The following AGBL5 variants were observed in gnomAD, a reference collection of about 807,000 sequenced individuals.
AGBL5 encodes cytosolic carboxypeptidase-like protein 5.
A neutral mutation model predicts 88.0 loss-of-function variants in AGBL5; 51 were observed. The observed-to-expected ratio is 0.58, with a 90% CI of 0.46 to 0.73. The LOEUF is 0.73. Among genes scored for constraint, AGBL5 ranks in the 30% least tolerant of loss-of-function variants. The probability of loss-of-function intolerance (pLI) is 0.00; values close to 1 mark genes in which losing one functional copy is unlikely to be tolerated. For synonymous variants in AGBL5, 446 were observed against 438.8 expected (o/e 1.02, Z -0.21); for missense variants, 1,031 against 1,162.2 (o/e 0.89, Z 1.64).
At chr2:27,066,940 A>C (rs910003616) in intron 11 of AGBL5, among the ~76,000 whole-genome samples, 1 of 151,970 alleles carries the variant, frequency 6.6e-6, no homozygotes, top group African/African-American at 2.4e-5. Flanking sequence ...AAAATTAGCC[A>C]GGCATGGTGG....
Position 27,069,675 on chromosome 2 carries a change from C to G in AGBL5, c.2458C>G (p.Leu820Val), listed in dbSNP as rs1481751027. The G allele has an allele frequency of 1.2e-6, 2 of 1,614,170 alleles. No individual in the cohort carries two copies. The highest frequency in any genetic ancestry group is 4.5e-5 in the East Asian group (2 of 44,890). The change falls in exon 14 of 15, where the codon CTG (leucine) becomes GTG (valine). Residue 820 changes from leucine to valine, a missense_variant. Physicochemically the swap from Leu to Val is conservative, Grantham distance 32. Around this residue, in one of 2 missense-constraint regions of AGBL5, gnomAD observed 491 missense variants for 484.0 expected, o/e 1.01. Transcript: ENST00000360131. ...PTPRTRESSELELGSCSATPG... is the reference protein window; with the variant it reads ...PTPRTRESSEVELGSCSATPG... The stretch of plus-strand genomic sequence containing the variant: ...CCCCCGGACCAGGGAGAGCAGTGAG[C>G]TGGAGCTGGGATCCTGCTCTGCTAC...
chr2:27,069,863 C>T, intron 14 of AGBL5, 157 bp downstream of exon 14: 1 of 985,090 alleles, frequency 1.0e-6, no homozygotes, highest in Non-Finnish European at 1.2e-6. Context: ...TTTTTTTCCC[C>T]CACCATGGCC....
At chr2:27,059,158 G>C (rs761050955) in intron 10 of AGBL5, 32 bp from the exon 11 acceptor site, 1 of 1,601,068 alleles carries the variant, frequency 6.2e-7, no homozygotes, top group Admixed American at 1.7e-5. Context: ...AACCTTCCTG[G>C]CCCGGGTTAA....
Position 27,059,203 on chromosome 2 carries a change from T to G in AGBL5, c.1888T>G (p.Ser630Ala), listed in dbSNP as rs910480922. Residue 630 changes from serine (S) to alanine (A), a missense_variant, in exon 11 of 15, where the codon TCC becomes GCC. Ser to Ala is a moderately conservative substitution (Grantham distance 99, BLOSUM62 1). Coordinates refer to ENST00000360131, the MANE Select transcript of AGBL5 (RefSeq NM_021831.6). ...GCTTCTTTGCAGTGGGTTGCCTGTC[T>G]CCTGCTCCGAAAACACCTTGAGTCG... is the stretch of plus-strand genomic sequence containing the variant. ...PPKSHNGLPV[S>A]CSENTLSRAR... 7 of 1,613,544 alleles carry G rather than the reference T, an allele frequency of 4.3e-6. No homozygotes were observed. The highest frequency in any genetic ancestry group is 1.3e-5 in the African/African-American group (1 of 74,798).
At chr2:27,063,157 T>C (rs989272706) in intron 11 of AGBL5, among the ~76,000 whole-genome samples, 3 of 152,204 alleles carry the variant, frequency 2.0e-5, no homozygotes, top group Non-Finnish European at 4.4e-5. Context: ...GGCTACTTTT[T>C]CCACTGCAAA....
upstream of AGBL5, chr2:27,051,395 T>C (rs1214765640): frequency 6.6e-6 from 1 of 152,010 alleles, no homozygotes; most frequent in South Asian, 2.1e-4. Flanking sequence ...CGATAAGGAG[T>C]TTCACACGAT....
Position 27,067,559 on chromosome 2 carries a change from G to T in AGBL5, c.2155G>T (p.Ala719Ser). 1.2e-6 allele frequency: 2 copies of T among 1,614,078 alleles called. No homozygotes were observed. The stretch of plus-strand genomic sequence containing the variant: ...GAACCATCGTCCTGCAGGCAGCCTC[G>T]CTCCATCCCCAGCTCCTACTAGTTC... ...PLNHRPAGSL[A>S]PSPAPTSSGP... The change falls in exon 12 of 15, where the codon GCT becomes TCT. Residue 719 changes from alanine (A) to serine (S), a missense_variant. Physicochemically the swap from Ala to Ser is moderately conservative, Grantham distance 99. Around this residue, in one of 2 missense-constraint regions of AGBL5, gnomAD observed 491 missense variants for 484.0 expected, o/e 1.01. Transcript: ENST00000360131.
Position 27,053,036 on chromosome 2 carries a change from A to T in AGBL5, c.78A>T (p.Glu26Asp). The T allele has an allele frequency of 6.2e-7, 1 of 1,613,772 alleles. No individual in the cohort carries two copies. Among genetic ancestry groups the T allele is most frequent in the Non-Finnish European group, 8.5e-7 (1 of 1,179,858 alleles). ...SGNLAHVEKV[E>D]SLSSDGEGVG... The stretch of plus-strand genomic sequence containing the variant: ...ATCTAGCCCACGTGGAGAAGGTGGA[A>T]TCTTTGTCCAGTGATGGGGAAGGGG... The change falls in exon 2 of 15, where the codon GAA (glutamate) becomes GAT (aspartate). Residue 26 changes from glutamate to aspartate, a missense_variant. Physicochemically the swap from Glu to Asp is conservative, Grantham distance 45. This residue lies in a region of AGBL5 where 540 missense variants were observed against 678.2 expected (regional missense o/e 0.80). Coordinates refer to ENST00000360131, the MANE Select transcript of AGBL5 (RefSeq NM_021831.6). The surrounding 1 kb of genome is among the most constrained non-coding windows in gnomAD (Gnocchi z 4.9).
At chr2:27,064,085 A>C (rs1668857182) in intron 11 of AGBL5, among the ~76,000 whole-genome samples, 1 of 152,128 alleles carries the variant, frequency 6.6e-6, no homozygotes, top group Admixed American at 6.5e-5. Flanking sequence ...CAAGTTCATG[A>C]TTTCTGCCTA....
chr2:27,055,891 A>G lies in AGBL5; in HGVS notation c.1118A>G (p.Asn373Ser). The G allele has an allele frequency of 1.2e-6, 2 of 1,614,182 alleles. No individual in the cohort carries two copies. Among genetic ancestry groups the G allele is most frequent in the Non-Finnish European group, 1.7e-6 (2 of 1,180,022 alleles). ...SDLEKANNLQNEAQCGHSADR... is the reference protein window; with the variant it reads ...SDLEKANNLQSEAQCGHSADR... Reference sequence around the variant, plus strand: ...CTGGAGAAAGCCAACAATCTCCAAAATGAAGCTCAGTGTGGGCACTCAGCT... The same window carrying G: ...CTGGAGAAAGCCAACAATCTCCAAAGTGAAGCTCAGTGTGGGCACTCAGCT... Residue 373 changes from asparagine (N) to serine (S), a missense_variant, in exon 7 of 15, where the codon AAT (asparagine) becomes AGT (serine). Asn to Ser is a conservative substitution (Grantham distance 46). Transcript: ENST00000360131.
In AGBL5 at chr2:27,070,228, A is replaced by G; in HGVS notation, c.2626A>G (p.Lys876Glu). Reference protein sequence around the residue: ...LGQPEVCFVPKSPPLTVSPRV With the variant: ...LGQPEVCFVPESPPLTVSPRV ...CCAACCTGAGGTTTGTTTTGTCCCT[A>G]AATCTCCCCCACTGACTGTTTCTCC... is the stretch of plus-strand genomic sequence containing the variant. Residue 876 changes from lysine (K) to glutamate (E), a missense_variant, in exon 15 of 15, where the codon AAA (lysine) becomes GAA (glutamate). Physicochemically the swap from Lys to Glu is moderately conservative, Grantham distance 56. Around this residue, in one of 2 missense-constraint regions of AGBL5, gnomAD observed 491 missense variants for 484.0 expected, o/e 1.01. Transcript: ENST00000360131. The G allele has an allele frequency of 6.2e-7, 1 of 1,614,184 alleles. No homozygotes were observed.
intron 9 of AGBL5, among the ~76,000 whole-genome samples, chr2:27,058,022 G>T (rs1668525190): frequency 6.7e-6 from 1 of 149,946 alleles, no homozygotes; most frequent in Non-Finnish European, 1.5e-5. Flanking sequence ...GTTGCAGTCA[G>T]CCGAGATCAC....
chr2:27,070,156 C>A lies in AGBL5; in HGVS notation c.2554C>A (p.Leu852Ile), dbSNP rs192393351. The stretch of plus-strand genomic sequence containing the variant: ...TGCCTTTTCTCCTATATCCTGTAGT[C>A]TATCTGACTCCCCATCCTGGAATTG... ...APAFSPISCS[L>I]SDSPSWNCYS... Residue 852 changes from leucine to isoleucine, a missense_variant, in exon 15 of 15, where the codon CTA (leucine) becomes ATA (isoleucine). This residue lies in a region of AGBL5 where 491 missense variants were observed against 484.0 expected (regional missense o/e 1.01). Coordinates refer to ENST00000360131, the MANE Select transcript of AGBL5 (RefSeq NM_021831.6). 68 of 1,614,190 alleles carry A rather than the reference C, an allele frequency of 4.2e-5. No homozygotes were observed. The African/African-American group carries it at 7.7e-4, about 18-fold the overall frequency.
At chr2:27,066,281 G>C (rs1004888824) in intron 11 of AGBL5, among the ~76,000 whole-genome samples, 6 of 150,160 alleles carry the variant, frequency 4.0e-5, no homozygotes, top group African/African-American at 1.5e-4. Context: ...AGATAGAATT[G>C]TAGGATTTGA....
In AGBL5 at chr2:27,067,070, G is replaced by A. The variant is rs553949894; in HGVS notation, c.2090-424G>A. Among the ~76,000 whole-genome samples the A allele has an allele frequency of 6.6e-5, 10 of 151,920 alleles. No homozygotes were observed. In the East Asian group the frequency reaches 1.2e-3, roughly 18 times the overall value. On this transcript the variant is annotated intron_variant, in intron 11 of 14. Coordinates refer to ENST00000360131, the MANE Select transcript of AGBL5 (RefSeq NM_021831.6). Reference sequence around the variant, plus strand: ...CACACTCCAGCCTGGGCAACAAAGCGAGACTCTGTCTCAAAAACAAAACAA... The same window carrying A: ...CACACTCCAGCCTGGGCAACAAAGCAAGACTCTGTCTCAAAAACAAAACAA...
At chr2:27,050,841 A>C (rs973938872), upstream of AGBL5, among the ~76,000 whole-genome samples, 1 of 152,204 alleles carries the variant, frequency 6.6e-6, no homozygotes, top group African/African-American at 2.4e-5. Context: ...GGCAATCCTT[A>C]GGTCGCTGGT....
chr2:27,056,652 C>T lies in AGBL5; in HGVS notation c.1395C>T (p.Ile465=). The stretch of plus-strand genomic sequence containing the variant: ...AAAACATGCTATATCCAAAGCTCAT[C>T]TCCTTGAATTCAGCCCACTTCGACT... ...QVENMLYPKL[I]SLNSAHFDFQ... The change falls in exon 8 of 15, where the codon ATC becomes ATT. Residue 465 remains isoleucine, a synonymous_variant. Transcript: ENST00000360131. 4.3e-6 allele frequency: 7 copies of T among 1,612,214 alleles called. No homozygotes were observed. Among genetic ancestry groups the T allele is most frequent in the Non-Finnish European group, 5.9e-6 (7 of 1,178,726 alleles).
chr2:27,066,673 G>A (rs199693765), intron 11 of AGBL5, among the ~76,000 whole-genome samples: 62 of 152,186 alleles, frequency 4.1e-4, no homozygotes, highest in African/African-American at 1.4e-3. Flanking sequence ...GGCCAGGTGC[G>A]GTGGCTCACA....
chr2:27,052,354 G>C (rs1315663071), intron 1 of AGBL5: 1 of 152,322 alleles, frequency 6.6e-6, no homozygotes, highest in East Asian at 1.9e-4. Flanking sequence ...GAACAAAAAA[G>C]GAAGAACCAG....
Sources: gnomAD v4.1 joint callset for allele counts (sites outside exome capture counted in the v4.1 genomes callset) on GRCh38, gnomAD v4.1.1 for gene constraint, gnomAD v4.1.1 regional missense constraint, Gnocchi (gnomAD v3.1) non-coding constraint, MANE v1.5 for transcripts, NCBI Gene and HGNC (gene_info 2026-07-23, HGNC 2026-07-21) for gene names.